The following PCSK2 variants were observed in gnomAD, a reference collection of about 807,000 sequenced individuals.
PCSK2 encodes the protein proprotein convertase subtilisin/kexin type 2, also known as neuroendocrine convertase 2.
PCSK2 carries 14 observed loss-of-function variants against 69.7 expected under a neutral mutation model. That is an observed-to-expected ratio of 0.20 (90% CI 0.13 to 0.31). The LOEUF is 0.31. Among genes scored for constraint, PCSK2 ranks in the 10% least tolerant of loss-of-function variants. The pLI is 1.00. For missense variants in PCSK2, 544 were observed against 842.5 expected (o/e 0.65, Z 4.39); for synonymous variants, 307 against 320.7 (o/e 0.96, Z 0.46).
intron 4 of PCSK2, among the ~76,000 whole-genome samples, chr20:17,362,683 A>T (rs79860133): frequency 2.0e-3 from 307 of 152,352 alleles, no homozygotes; most frequent in Non-Finnish European, 3.4e-3. Flanking sequence ...CTTAAAGGCT[A>T]GACCTGGAAT....
chr20:17,253,541 T>C (rs1226248915), intron 1 of PCSK2, among the ~76,000 whole-genome samples: 2 of 152,232 alleles, frequency 1.3e-5, no homozygotes, highest in Non-Finnish European at 2.9e-5. Context: ...TGTCATTGCT[T>C]AATTCCTTTC....
intron 6 of PCSK2, among the ~76,000 whole-genome samples, chr20:17,422,527 C>T (rs553293306): frequency 1.4e-4 from 21 of 151,462 alleles, no homozygotes; most frequent in African/African-American, 5.1e-4. Context: ...ATTAAAGTTT[C>T]AATAGATTAT....
At chr20:17,227,802 G>A (rs1217651434) in intron 1 of PCSK2, among the ~76,000 whole-genome samples, 1 of 152,190 alleles carries the variant, frequency 6.6e-6, no homozygotes, top group Non-Finnish European at 1.5e-5. Flanking sequence ...GGCTGCCTGG[G>A]GATGGAGGGA....
intron 2 of PCSK2, among the ~76,000 whole-genome samples, chr20:17,344,321 A>G (rs190320357): frequency 6.6e-6 from 1 of 152,306 alleles, no homozygotes. Context: ...CCAGCCCCCA[A>G]ATATTTCAGA....
At position 17,433,813 on chromosome 20, in the gene PCSK2, CCCCCCACT is replaced by C. The variant is rs1568647771; in HGVS notation, c.710-2894_710-2887del. 5.0e-3 allele frequency among the ~76,000 whole-genome samples: 494 copies of C among 98,566 alleles called. 2 individuals are homozygous for C. The highest frequency in any genetic ancestry group is 7.9e-3 in the African/African-American group (179 of 22,700). 64.7% of individuals were successfully genotyped at this position (98,566 alleles called of 152,430 possible). The stretch of plus-strand genomic sequence containing the variant: ...TCTCTCTCTCTCTCTCTCTCTCTCT[CCCCCCACT>C]TCCTTCCCTCCTCCTCCTCCCCCCC... On this transcript the variant is annotated intron_variant, in intron 7 of 11. Coordinates refer to ENST00000262545, the MANE Select transcript of PCSK2 (RefSeq NM_002594.5).
chr20:17,332,937 G>A (rs910073739), intron 2 of PCSK2, among the ~76,000 whole-genome samples: 1 of 152,118 alleles, frequency 6.6e-6, no homozygotes, highest in Admixed American at 6.6e-5. Context: ...GAAAAGTTTT[G>A]AAAAGCACAA....
At chr20:17,237,219 T>C (rs1256641142) in intron 1 of PCSK2, among the ~76,000 whole-genome samples, 1 of 152,136 alleles carries the variant, frequency 6.6e-6, no homozygotes, top group Non-Finnish European at 1.5e-5. Flanking sequence ...ATATTGAAGC[T>C]CAAGGCTCCA....
At chr20:17,414,284 C>T (rs1375781025) in intron 6 of PCSK2, among the ~76,000 whole-genome samples, 1 of 152,058 alleles carries the variant, frequency 6.6e-6, no homozygotes, top group Non-Finnish European at 1.5e-5. Flanking sequence ...TGATAGATCA[C>T]TAGCAAGACT....
intron 2 of PCSK2, among the ~76,000 whole-genome samples, chr20:17,282,051 C>A (rs1010618989): frequency 3.9e-5 from 6 of 152,164 alleles, no homozygotes; most frequent in African/African-American, 1.4e-4. Context: ...CTCTATTAGT[C>A]TGACTCCACC....
At chr20:17,450,113 C>T (rs574926576) in intron 8 of PCSK2, among the ~76,000 whole-genome samples, 57 of 149,488 alleles carry the variant, frequency 3.8e-4, no homozygotes, top group East Asian at 3.4e-3. Flanking sequence ...CTGCGGGCTC[C>T]GCCCCCTGGG....
chr20:17,441,827 T>G (rs1229600231), intron 8 of PCSK2, among the ~76,000 whole-genome samples: 1 of 152,036 alleles, frequency 6.6e-6, no homozygotes, highest in Non-Finnish European at 1.5e-5. Context: ...CCAAACGGCA[T>G]CAGCACCTCT....
At chr20:17,263,651 C>G (rs948669847) in intron 2 of PCSK2, among the ~76,000 whole-genome samples, 1 of 152,184 alleles carries the variant, frequency 6.6e-6, no homozygotes. Context: ...TCCCTAGCAC[C>G]TCTTTTACAT....
At chr20:17,353,799 A>G (rs114012592) in intron 2 of PCSK2, among the ~76,000 whole-genome samples, 1,915 of 152,334 alleles carry the variant, frequency 0.013, 14 homozygotes, top group East Asian at 0.034. Context: ...CATATACACC[A>G]TGGAATACTA....
At chr20:17,370,549 C>G (rs2030729349) in intron 5 of PCSK2, among the ~76,000 whole-genome samples, 1 of 152,146 alleles carries the variant, frequency 6.6e-6, no homozygotes, top group South Asian at 2.1e-4. Flanking sequence ...AGCTATATTC[C>G]CAGCAATGAT....
chr20:17,386,217 T>C (rs2031229893), intron 5 of PCSK2, among the ~76,000 whole-genome samples: 1 of 152,176 alleles, frequency 6.6e-6, no homozygotes, highest in African/African-American at 2.4e-5. Context: ...CTATGTACAT[T>C]ATAAAGCATA....
chr20:17,242,245 G>C (rs139349724), intron 1 of PCSK2, among the ~76,000 whole-genome samples: 1 of 152,348 alleles, frequency 6.6e-6, no homozygotes, highest in Non-Finnish European at 1.5e-5. Flanking sequence ...GAGTAGGCAG[G>C]GCTGGCTTAC....
chr20:17,349,647 T>C (rs2029913266), intron 2 of PCSK2, among the ~76,000 whole-genome samples: 1 of 152,096 alleles, frequency 6.6e-6, no homozygotes, highest in Non-Finnish European at 1.5e-5. Context: ...GCTAAAGTGT[T>C]TTAACCTACC....
At chr20:17,423,484 T>A (rs2032178147) in intron 6 of PCSK2, among the ~76,000 whole-genome samples, 1 of 152,176 alleles carries the variant, frequency 6.6e-6, no homozygotes, top group African/African-American at 2.4e-5. Flanking sequence ...TAAAAGGTGC[T>A]AGACTCTCAG....
At chr20:17,416,029 A>G (rs1175862302) in intron 6 of PCSK2, among the ~76,000 whole-genome samples, 2 of 152,222 alleles carry the variant, frequency 1.3e-5, no homozygotes, top group East Asian at 3.8e-4. Flanking sequence ...TTAATTCAAG[A>G]TGGATTAAAG....
Sources: allele counts gnomAD v4.1 joint callset (sites outside exome capture counted in the v4.1 genomes callset), GRCh38; gene constraint gnomAD v4.1.1; transcripts MANE v1.5; gene names NCBI Gene and HGNC (gene_info 2026-07-23, HGNC 2026-07-21).